The following SGK3 variants were observed in gnomAD, a reference collection of about 807,000 sequenced individuals.
SGK3 encodes serum/glucocorticoid regulated kinase family member 3, also known as serine/threonine-protein kinase Sgk3.
A neutral mutation model predicts 68.5 loss-of-function variants in SGK3; 47 were observed. That is an observed-to-expected ratio of 0.69 (90% CI 0.54 to 0.87). SGK3 has a LOEUF of 0.87. Ranked by LOEUF, SGK3 falls within the 40% of genes least tolerant of loss-of-function variation. SGK3 has a pLI of 0.00. For synonymous variants in SGK3, 181 were observed against 189.1 expected, an observed-to-expected ratio of 0.96 and a Z score of 0.35; for missense variants, 479 against 575.5, an observed-to-expected ratio of 0.83 and a Z score of 1.72.
chr8:66,760,391 G>T (rs1585678650), intron 1 of SGK3, among the ~76,000 whole-genome samples: 1 of 138,128 alleles, frequency 7.2e-6, no homozygotes, highest in East Asian at 2.2e-4. Context: ...CTGGAGTACA[G>T]TGGCACTATC....
At chr8:66,785,202 G>A (rs1270241394) in intron 1 of SGK3, among the ~76,000 whole-genome samples, 4 of 152,252 alleles carry the variant, frequency 2.6e-5, no homozygotes, top group Admixed American at 2.0e-4. Context: ...CTGCAAAGAT[G>A]ATTTAGAAAA....
chr8:66,727,137 T>C (rs1470102942), intron 1 of SGK3, among the ~76,000 whole-genome samples: 1 of 152,186 alleles, frequency 6.6e-6, no homozygotes, highest in African/African-American at 2.4e-5. Context: ...GGTCTTCCTC[T>C]GTTGCCCAGG....
chr8:66,722,635 C>T (rs763270878), intron 1 of SGK3, among the ~76,000 whole-genome samples: 6 of 152,174 alleles, frequency 3.9e-5, no homozygotes, highest in Admixed American at 6.5e-5. Context: ...ATGGCTTAGA[C>T]GCGAAAGTGC....
chr8:66,730,457 C>T (rs1585640035), intron 1 of SGK3, among the ~76,000 whole-genome samples: 1 of 151,958 alleles, frequency 6.6e-6, no homozygotes, highest in African/African-American at 2.4e-5. Flanking sequence ...TAATGAAACC[C>T]ATTTACTCGG....
intron 6 of SGK3, among the ~76,000 whole-genome samples, chr8:66,827,309 G>A (rs1444533139): frequency 1.3e-5 from 2 of 150,620 alleles, no homozygotes; most frequent in African/African-American, 2.4e-5. Flanking sequence ...TTGAACCAAG[G>A]AGGTGGAGGT....
intron 3 of SGK3, among the ~76,000 whole-genome samples, chr8:66,800,204 G>A (rs1324163367): frequency 4.0e-5 from 6 of 151,624 alleles, no homozygotes; most frequent in African/African-American, 1.5e-4. Context: ...AGCCAGGCGT[G>A]GTGGTGGGCG....
intron 1 of SGK3, among the ~76,000 whole-genome samples, chr8:66,723,097 A>ATATATATC (rs1804848883): frequency 4.7e-5 from 1 of 21,220 alleles, no homozygotes; most frequent in Non-Finnish European, 8.5e-5. Context: ...GTTCATATAT[A>ATATATATC]TATATATATA....
intron 1 of SGK3, among the ~76,000 whole-genome samples, chr8:66,761,438 T>C (rs1806161491): frequency 6.6e-6 from 1 of 152,166 alleles, no homozygotes; most frequent in Admixed American, 6.5e-5. Flanking sequence ...TCAGTGCAAA[T>C]GTCAACACAG....
intron 1 of SGK3, among the ~76,000 whole-genome samples, chr8:66,724,704 A>G (rs562119304): frequency 6.6e-6 from 1 of 152,390 alleles, no homozygotes; most frequent in Non-Finnish European, 1.5e-5. Context: ...TGCCTGTGAG[A>G]TGCAGAACAT....
At chr8:66,814,920 C>A (rs1441995892) in intron 5 of SGK3, among the ~76,000 whole-genome samples, 3 of 151,992 alleles carry the variant, frequency 2.0e-5, no homozygotes, top group African/African-American at 7.3e-5. Context: ...TGTTATAGTA[C>A]TTGTATGTAT....
intron 6 of SGK3, among the ~76,000 whole-genome samples, chr8:66,825,312 TAACTACTTA>T (rs1282448177): frequency 6.6e-6 from 1 of 151,142 alleles, no homozygotes; most frequent in Non-Finnish European, 1.5e-5. Flanking sequence ...TGTATAATTG[TAACTACTTA>T]TTAAGGACTT....
intron 1 of SGK3, among the ~76,000 whole-genome samples, chr8:66,790,528 A>G (rs114248153): frequency 1.1e-3 from 164 of 152,204 alleles, no homozygotes; most frequent in African/African-American, 3.1e-3. Context: ...AACACATGAG[A>G]CTTTGCAGGA....
At chr8:66,789,668 T>C (rs888305122) in intron 1 of SGK3, among the ~76,000 whole-genome samples, 2 of 152,158 alleles carry the variant, frequency 1.3e-5, no homozygotes, top group African/African-American at 4.8e-5. Context: ...CAGTAACGCT[T>C]GGGAGGATTA....
At chr8:66,732,604 G>T (rs1486846518) in intron 1 of SGK3, among the ~76,000 whole-genome samples, 1 of 152,214 alleles carries the variant, frequency 6.6e-6, no homozygotes, top group Non-Finnish European at 1.5e-5. Flanking sequence ...CAGCACTTCG[G>T]GAGGCCGAGG....
intron 1 of SGK3, among the ~76,000 whole-genome samples, chr8:66,772,354 C>T (rs1397069127): frequency 6.7e-6 from 1 of 150,334 alleles, no homozygotes; most frequent in Non-Finnish European, 1.5e-5. Flanking sequence ...TCCCAAAATG[C>T]TGGGATTATA....
intron 1 of SGK3, among the ~76,000 whole-genome samples, chr8:66,732,840 C>A (rs1337638620): frequency 6.6e-6 from 1 of 150,574 alleles, no homozygotes; most frequent in Non-Finnish European, 1.5e-5. Flanking sequence ...CTGAGAGAGA[C>A]CACATAAATT....
At chr8:66,819,568 G>A (rs1185245481) in intron 5 of SGK3, among the ~76,000 whole-genome samples, 2 of 151,970 alleles carry the variant, frequency 1.3e-5, no homozygotes, top group Non-Finnish European at 2.9e-5. Flanking sequence ...AACAAGATGG[G>A]GAAATGTTTA....
intron 1 of SGK3, among the ~76,000 whole-genome samples, chr8:66,744,786 A>G (rs1036636664): frequency 6.7e-6 from 1 of 149,078 alleles, no homozygotes; most frequent in Admixed American, 6.7e-5. Flanking sequence ...GATTACAGGC[A>G]TGAGCCACCA....
At chr8:66,801,612 A>G (rs1807948059) in intron 3 of SGK3, among the ~76,000 whole-genome samples, 2 of 152,014 alleles carry the variant, frequency 1.3e-5, no homozygotes, top group South Asian at 2.1e-4. Context: ...ACATGACTGT[A>G]GTGTCTGTCT....
Sources: allele counts gnomAD v4.1 joint callset (sites outside exome capture counted in the v4.1 genomes callset), GRCh38; gene constraint gnomAD v4.1.1; transcripts MANE v1.5; gene names NCBI Gene and HGNC (gene_info 2026-07-23, HGNC 2026-07-21).